RPRD1A: variants seen among roughly 807,000 people sequenced by gnomAD.
RPRD1A encodes regulation of nuclear pre-mRNA domain containing 1A, also known as regulation of nuclear pre-mRNA domain-containing protein 1A.
A neutral mutation model predicts 37.8 loss-of-function variants in RPRD1A; 9 were observed. That is an observed-to-expected ratio of 0.24 (90% confidence interval 0.14 to 0.42). The LOEUF (loss-of-function observed/expected upper bound fraction) is 0.42. Ranked by LOEUF, RPRD1A falls within the 10% of genes least tolerant of loss-of-function variation. RPRD1A has a pLI of 1.00. For missense variants in RPRD1A, 255 were observed against 371.0 expected, an observed-to-expected ratio of 0.69 and a Z score of 2.57; for synonymous variants, 138 against 139.7, an observed-to-expected ratio of 0.99 and a Z score of 0.08.
Position 36,008,577 on chromosome 18 carries a change from G to GTGTGTATATGTATATGTATATA in RPRD1A, c.790-15278_790-15277insTATATACATATACATATACACA. ...GGCGACACAGCAAGACCTTGTGTGT[G>GTGTGTATATGTATATGTATATA]TATATATATATATCTTTAAAAATCT... On this transcript the variant is annotated intron_variant, in intron 6 of 6. Coordinates refer to ENST00000399022, the MANE Select transcript of RPRD1A (RefSeq NM_018170.5). Among the ~76,000 whole-genome samples, 13 of 47,802 alleles carry GTGTGTATATGTATATGTATATA rather than the reference G, an allele frequency of 2.7e-4. 2 individuals carry two copies. In the Admixed American group the frequency reaches 3.4e-3, roughly 12 times the overall value. The allele number at this position is 47,802 out of a possible 152,430, so 31.4% of individuals were successfully genotyped here. A position where few individuals can be genotyped will look rare whatever the true frequency, so the allele number is the denominator to read the frequency against.
rs1908696133 is a variant in RPRD1A at position 35,991,137 on chromosome 18, T to C, written c.*2014A>G. 6.6e-6 allele frequency: 1 copy of C among 152,152 alleles called. No individual in the cohort carries two copies. Among genetic ancestry groups the C allele is most frequent in the African/African-American group, 2.4e-5 (1 of 41,452 alleles). 9.4% of individuals were successfully genotyped at this position (152,152 alleles called of 1,614,324 possible). On this transcript the variant is annotated 3_prime_UTR_variant, in exon 7 of 7. Coordinates refer to ENST00000399022, the MANE Select transcript of RPRD1A (RefSeq NM_018170.5). ...GATTTCAAATCTTCCCAGGAGTACA[T>C]AGTTTATAAATTAGTTTTAAATGGA...
chr18:36,013,033 T>C (rs896044050), intron 6 of RPRD1A, among the ~76,000 whole-genome samples: 1 of 152,118 alleles, frequency 6.6e-6, no homozygotes, highest in Non-Finnish European at 1.5e-5. Flanking sequence ...ACCAGAATAA[T>C]TGGATGGCGG....
intron 2 of RPRD1A, among the ~76,000 whole-genome samples, chr18:36,031,939 C>T (rs564957918): frequency 2.0e-5 from 3 of 152,344 alleles, no homozygotes; most frequent in African/African-American, 7.2e-5. Flanking sequence ...TAGTACCATA[C>T]AAATCTCCTT....
rs189793655 is a variant in RPRD1A, at chr18:36,026,782, T to C, written c.789+118A>G. 2,233 of 783,480 alleles carry C rather than the reference T, an allele frequency of 2.9e-3. 36 individuals are homozygous for C. Among genetic ancestry groups the C allele is most frequent in the Non-Finnish European group, 2.0e-3 (1,035 of 526,724 alleles). 48.5% of individuals were successfully genotyped at this position (783,480 alleles called of 1,614,324 possible). ...ACAAGGAGAAGCTTACCTGGGCTAC[T>C]GCTTAAAAAGGTCTATGTTAAAAAA... On this transcript the variant is annotated intron_variant, in intron 6 of 6. Transcript: ENST00000399022.
At chr18:36,045,530 T>G (rs1029273596) in intron 1 of RPRD1A, among the ~76,000 whole-genome samples, 1 of 152,194 alleles carries the variant, frequency 6.6e-6, no homozygotes, top group African/African-American at 2.4e-5. Flanking sequence ...GCTGGCAGCC[T>G]GGGAACAATA....
intron 1 of RPRD1A, among the ~76,000 whole-genome samples, chr18:36,034,636 C>T (rs1912058381): frequency 6.6e-6 from 1 of 152,130 alleles, no homozygotes; most frequent in South Asian, 2.1e-4. Context: ...ATTTGAATCA[C>T]TCAATGTAGT....
chr18:36,019,844 A>T (rs983688220), intron 6 of RPRD1A, among the ~76,000 whole-genome samples: 4 of 152,198 alleles, frequency 2.6e-5, no homozygotes, highest in Non-Finnish European at 5.9e-5. Flanking sequence ...GTTTGAGACA[A>T]GCCTGGCCAA....
chr18:36,062,735 A>G (rs577696999), intron 1 of RPRD1A, among the ~76,000 whole-genome samples: 1 of 152,322 alleles, frequency 6.6e-6, no homozygotes, highest in East Asian at 1.9e-4. Flanking sequence ...AATGGTAAAA[A>G]TAGTCCAATC....
At chr18:36,042,580 G>A (rs533001302) in intron 1 of RPRD1A, among the ~76,000 whole-genome samples, 4 of 152,274 alleles carry the variant, frequency 2.6e-5, no homozygotes, top group Non-Finnish European at 4.4e-5. Context: ...GCACTCATTC[G>A]TACGTTTTTT....
rs545183113 is a variant in RPRD1A, at chr18:36,046,727, T to TCA, written c.152-12892_152-12891dup. On this transcript the variant is annotated intron_variant, in intron 1 of 6. Transcript: ENST00000399022. ...GACACACACCTGTAATCCCAGGTAT[T>TCA]CAGGAGGCTGAGGTGGGAGGACTGC... 5.4e-3 allele frequency among the ~76,000 whole-genome samples: 813 copies of TCA among 150,876 alleles called. 7 individuals carry two copies. Among genetic ancestry groups the TCA allele is most frequent in the African/African-American group, 0.019 (770 of 41,054 alleles).
intron 2 of RPRD1A, among the ~76,000 whole-genome samples, chr18:36,033,299 C>CCAAAAAAAAAAAA (rs1348356259): frequency 7.4e-4 from 56 of 75,930 alleles, no homozygotes; most frequent in African/African-American, 3.1e-3. Flanking sequence ...GACTCTGTCT[C>CCAAAAAAAAAAAA]AAAAAAAAAA....
At chr18:36,054,803 A>G (rs1284890665) in intron 1 of RPRD1A, among the ~76,000 whole-genome samples, 1 of 152,012 alleles carries the variant, frequency 6.6e-6, no homozygotes, top group East Asian at 1.9e-4. Flanking sequence ...GGCAAACTGG[A>G]GACCTGGAAG....
intron 6 of RPRD1A, among the ~76,000 whole-genome samples, chr18:36,024,633 G>A (rs1265846578): frequency 6.6e-6 from 1 of 152,032 alleles, no homozygotes; most frequent in Non-Finnish European, 1.5e-5. Flanking sequence ...TTAAATTTAT[G>A]TTCCATTATC....
At chr18:36,025,592 C>G in intron 6 of RPRD1A, 1 of 1,268,934 alleles carries the variant, frequency 7.9e-7, no homozygotes, top group Non-Finnish European at 1.0e-6. Flanking sequence ...TGAGACAATA[C>G]AGGCTTCAGG....
intron 6 of RPRD1A, among the ~76,000 whole-genome samples, chr18:35,993,645 A>C (rs116580272): frequency 0.013 from 1,990 of 152,324 alleles, 39 homozygotes; most frequent in African/African-American, 0.045. Flanking sequence ...ATTTGGCAAG[A>C]ACATCTATGA....
At chr18:36,033,913 G>T in intron 1 of RPRD1A, 76 bp from the exon 2 acceptor site, 2 of 1,278,960 alleles carry the variant, frequency 1.6e-6, no homozygotes, top group Non-Finnish European at 2.2e-6. Flanking sequence ...CCTAAATTAA[G>T]CATTTTGAGA....
chr18:36,065,265 G>A (rs556539780), intron 1 of RPRD1A, among the ~76,000 whole-genome samples: 1 of 152,224 alleles, frequency 6.6e-6, no homozygotes, highest in Admixed American at 6.5e-5. Flanking sequence ...GTACTGTTTT[G>A]CATGTTTTTA....
At chr18:36,003,612 A>C (rs2144168796) in intron 6 of RPRD1A, among the ~76,000 whole-genome samples, 1 of 152,330 alleles carries the variant, frequency 6.6e-6, no homozygotes, top group East Asian at 1.9e-4. Context: ...GAGTTTCAGA[A>C]GCAGAAGTTC....
intron 6 of RPRD1A, chr18:36,025,853 T>TA (rs1911330701): frequency 2.6e-5 from 8 of 309,118 alleles, no homozygotes; most frequent in Admixed American, 4.9e-5. Flanking sequence ...AATTCATCTT[T>TA]TAAAAAAAAA....
Sources: gnomAD v4.1 joint callset for allele counts (sites outside exome capture counted in the v4.1 genomes callset) on GRCh38, gnomAD v4.1.1 for gene constraint, MANE v1.5 for transcripts, NCBI Gene and HGNC (gene_info 2026-07-23, HGNC 2026-07-21) for gene names.